The following MPDZ variants were observed in gnomAD, a reference collection of about 807,000 sequenced individuals.
The protein encoded by MPDZ is multiple PDZ domain protein.
A neutral mutation model predicts 239.1 loss-of-function variants in MPDZ; 234 were observed. That is an observed-to-expected ratio of 0.98 (90% CI 0.88 to 1.09). The LOEUF (loss-of-function observed/expected upper bound fraction) is 1.09, where lower values mean the gene tolerates loss of function less well. Ranked by LOEUF, MPDZ falls within the 50% of genes least tolerant of loss-of-function variation. The pLI is 0.00. For synonymous variants in MPDZ, 1,048 were observed against 881.3 expected (o/e 1.19, Z -3.35); for missense variants, 3,175 against 2,510.0 (o/e 1.26, Z -5.66).
In MPDZ at chr9:13,112,019, C is replaced by T; in HGVS notation, c.5724+5G>A. 1 of 1,613,200 alleles carries T rather than the reference C, an allele frequency of 6.2e-7. No individual in the cohort carries two copies. Among genetic ancestry groups the T allele is most frequent in the Non-Finnish European group, 8.5e-7 (1 of 1,179,352 alleles). ...AGGGCTTCTAGGGTTGATAGTACGACTCACTCTGAGTTTTTGGGTCTGTGC... is the reference window on the plus strand; with the variant it reads ...AGGGCTTCTAGGGTTGATAGTACGATTCACTCTGAGTTTTTGGGTCTGTGC... On this transcript the variant is annotated splice_donor_5th_base_variant and intron_variant, in intron 43 of 46. Coordinates refer to ENST00000319217, the MANE Select transcript of MPDZ (RefSeq NM_001378778.1).
intron 10 of MPDZ, among the ~76,000 whole-genome samples, chr9:13,212,278 A>G (rs984005540): frequency 3.3e-5 from 5 of 152,116 alleles, no homozygotes; most frequent in Non-Finnish European, 5.9e-5. Context: ...AGAAACTGCT[A>G]TAATGGAACA....
intron 25 of MPDZ, among the ~76,000 whole-genome samples, 153 bp from the exon 26 acceptor site, chr9:13,147,811 TTC>T (rs1281904064): frequency 2.0e-5 from 3 of 152,090 alleles, no homozygotes; most frequent in African/African-American, 4.8e-5. Flanking sequence ...CTGCAGAACT[TTC>T]TGTCTGTCCA....
intron 46 of MPDZ, among the ~76,000 whole-genome samples, chr9:13,108,305 C>T (rs979018806): frequency 6.6e-6 from 1 of 152,010 alleles, no homozygotes; most frequent in Admixed American, 6.6e-5. Flanking sequence ...ACCAGTACTG[C>T]AATATCTTTA....
At chr9:13,184,291 T>C (rs2134564877) in intron 18 of MPDZ, among the ~76,000 whole-genome samples, 1 of 152,138 alleles carries the variant, frequency 6.6e-6, no homozygotes, top group South Asian at 2.1e-4. Context: ...TATGATGAGC[T>C]TGAAGTTCTT....
chr9:13,272,393 T>C (rs1266426944), intron 1 of MPDZ, among the ~76,000 whole-genome samples: 2 of 152,130 alleles, frequency 1.3e-5, no homozygotes, highest in African/African-American at 2.4e-5. Flanking sequence ...ACCCGATATA[T>C]ATTCAATAGA....
intron 1 of MPDZ, among the ~76,000 whole-genome samples, chr9:13,271,658 A>G (rs570327944): frequency 6.6e-6 from 1 of 152,328 alleles, no homozygotes; most frequent in African/African-American, 2.4e-5. Flanking sequence ...TTTAATTCAC[A>G]GGCCTCACTT....
intron 1 of MPDZ, among the ~76,000 whole-genome samples, chr9:13,270,428 A>C (rs923340251): frequency 6.6e-6 from 1 of 152,166 alleles, no homozygotes. Flanking sequence ...CATGAGCTAA[A>C]GCTGTGTTGA....
intron 3 of MPDZ, among the ~76,000 whole-genome samples, chr9:13,241,005 T>C (rs909036677): frequency 6.6e-6 from 1 of 152,158 alleles, no homozygotes; most frequent in African/African-American, 2.4e-5. Context: ...CAAGATGGTG[T>C]TGCATTTTAA....
intron 1 of MPDZ, among the ~76,000 whole-genome samples, chr9:13,261,089 T>G (rs891261293): frequency 8.5e-5 from 13 of 152,190 alleles, no homozygotes; most frequent in South Asian, 4.2e-4. Flanking sequence ...TAAGAAATAT[T>G]GAGAGAATAA....
At chr9:13,266,917 C>T (rs1315116952) in intron 1 of MPDZ, among the ~76,000 whole-genome samples, 1 of 152,246 alleles carries the variant, frequency 6.6e-6, no homozygotes, top group South Asian at 2.1e-4. Context: ...TGACTAGAGT[C>T]GCTAAGTAAC....
intron 34 of MPDZ, 44 bp downstream of exon 34, chr9:13,126,472 A>G: frequency 7.4e-7 from 1 of 1,351,380 alleles, no homozygotes; most frequent in Non-Finnish European, 1.0e-6. Flanking sequence ...AATCATGCCC[A>G]AGGATGGGCC....
At chr9:13,262,389 G>A (rs1053164336) in intron 1 of MPDZ, among the ~76,000 whole-genome samples, 3 of 152,210 alleles carry the variant, frequency 2.0e-5, no homozygotes, top group Admixed American at 2.0e-4. Flanking sequence ...GGTAGAGGCT[G>A]CAGTGACATG....
At chr9:13,214,160 G>T (rs1313782438) in intron 10 of MPDZ, among the ~76,000 whole-genome samples, 1 of 151,972 alleles carries the variant, frequency 6.6e-6, no homozygotes, top group Non-Finnish European at 1.5e-5. Context: ...CTAAAAAGTA[G>T]AAACAACCCG....
chr9:13,219,063 C>T (rs1325644380), intron 8 of MPDZ, among the ~76,000 whole-genome samples: 2 of 151,834 alleles, frequency 1.3e-5, no homozygotes, highest in East Asian at 3.9e-4. Context: ...TACTTTAAAA[C>T]AATAACACTA....
intron 21 of MPDZ, among the ~76,000 whole-genome samples, chr9:13,173,692 G>A (rs930316612): frequency 6.8e-6 from 1 of 146,776 alleles, no homozygotes. Context: ...GCAACAAAGC[G>A]AAACTCTCTC....
chr9:13,246,548 A>G (rs1966633340), intron 3 of MPDZ, among the ~76,000 whole-genome samples: 1 of 152,210 alleles, frequency 6.6e-6, no homozygotes, highest in Non-Finnish European at 1.5e-5. Context: ...GACTTTTAAA[A>G]CCATTAAATA....
chr9:13,222,401 T>C lies in MPDZ; in HGVS notation c.579A>G (p.Gly193=). 6.2e-7 allele frequency: 1 copy of C among 1,612,744 alleles called. No individual in the cohort carries two copies. The highest frequency in any genetic ancestry group is 8.5e-7 in the Non-Finnish European group (1 of 1,179,188). Residue 193 remains glycine (G), a synonymous_variant, in exon 6 of 47, where the codon GGA becomes GGG. Transcript: ENST00000319217. The stretch of plus-strand genomic sequence containing the variant: ...GTGTAATTGTCTGATCAAGAGCCTG[T>C]CCATTGATAGCAAGAATTTGATCAG... ...KETDQILAIN[G]QALDQTITHQ...
At chr9:13,206,145 G>A (rs1956964810) in intron 10 of MPDZ, 46 bp from the exon 11 acceptor site, 1 of 1,511,998 alleles carries the variant, frequency 6.6e-7, no homozygotes. Flanking sequence ...TAAATAAATG[G>A]ATATTTGTAT....
At chr9:13,188,111 G>C (rs912057833) in intron 17 of MPDZ, among the ~76,000 whole-genome samples, 2 of 152,086 alleles carry the variant, frequency 1.3e-5, no homozygotes, top group Non-Finnish European at 2.9e-5. Context: ...AGATTTTATT[G>C]TTAGTTAATG....
Sources: gnomAD v4.1 joint callset for allele counts (sites outside exome capture counted in the v4.1 genomes callset) on GRCh38, gnomAD v4.1.1 for gene constraint, MANE v1.5 for transcripts, NCBI Gene and HGNC (gene_info 2026-07-23, HGNC 2026-07-21) for gene names.